TMEM67: variants seen among roughly 807,000 people sequenced by gnomAD.
TMEM67 encodes transmembrane protein 67.
Under a neutral mutation model 136.6 loss-of-function variants are expected in TMEM67, and 124 were observed. That is an observed-to-expected ratio of 0.91 (90% CI 0.78 to 1.05). The LOEUF (loss-of-function observed/expected upper bound fraction) is 1.05. Among genes scored for constraint, TMEM67 ranks in the 50% least tolerant of loss-of-function variants. The probability of loss-of-function intolerance (pLI) is 0.00; values close to 1 mark genes in which losing one functional copy is unlikely to be tolerated. For missense variants in TMEM67, 1,107 were observed against 1,178.4 expected, an observed-to-expected ratio of 0.94 and a Z score of 0.89; for synonymous variants, 364 against 390.5, an observed-to-expected ratio of 0.93 and a Z score of 0.80.
intron 7 of TMEM67, among the ~76,000 whole-genome samples, chr8:93,776,238 A>G (rs7819138): frequency 0.55 from 83,472 of 152,012 alleles, 23,696 homozygotes; most frequent in East Asian, 0.83. Context: ...TTATCAGCTT[A>G]AGGAGATTTG....
intron 7 of TMEM67, among the ~76,000 whole-genome samples, chr8:93,775,294 G>A (rs552946329): frequency 3.3e-5 from 5 of 152,116 alleles, no homozygotes; most frequent in Non-Finnish European, 7.4e-5. Context: ...TTCTCCCATT[G>A]TGTAGGTTGT....
chr8:93,801,436 T>A (rs545745165), intron 21 of TMEM67, among the ~76,000 whole-genome samples: 1 of 151,454 alleles, frequency 6.6e-6, no homozygotes, highest in South Asian at 2.1e-4. Context: ...AGTTTCACTC[T>A]TGTTGCCCAG....
chr8:93,803,809 G>A, intron 22 of TMEM67, 125 bp downstream of exon 22: 1 of 667,112 alleles, frequency 1.5e-6, no homozygotes, highest in South Asian at 1.5e-5. Flanking sequence ...TCCACTGGTT[G>A]TTAATTCCAG....
downstream of TMEM67, among the ~76,000 whole-genome samples, chr8:93,819,518 T>C (rs1370969031): frequency 1.3e-5 from 2 of 152,202 alleles, no homozygotes. Flanking sequence ...AAGGGTCTTA[T>C]AATTTGTAAG....
intron 3 of TMEM67, chr8:93,762,872 C>T: frequency 2.8e-6 from 1 of 362,180 alleles, no homozygotes; most frequent in South Asian, 2.1e-5. Flanking sequence ...TTCTAGCATA[C>T]TTTTTTCAGT....
chr8:93,758,619 A>T (rs1395921371), intron 3 of TMEM67, 43 bp downstream of exon 3: 1 of 1,478,874 alleles, frequency 6.8e-7, no homozygotes, highest in Admixed American at 1.7e-5. Context: ...ATAAATCTTC[A>T]TTCTTGTTTT....
At chr8:93,796,529 G>A (rs1313582488) in intron 18 of TMEM67, among the ~76,000 whole-genome samples, 1 of 152,156 alleles carries the variant, frequency 6.6e-6, no homozygotes, top group Non-Finnish European at 1.5e-5. Flanking sequence ...CTGACTGGGA[G>A]CTTCTTGAGG....
chr8:93,764,521 CA>C (rs1812995410), intron 4 of TMEM67, among the ~76,000 whole-genome samples: 2 of 152,104 alleles, frequency 1.3e-5, no homozygotes, highest in Non-Finnish European at 1.5e-5. Flanking sequence ...CACACACACA[CA>C]CACCCCTGCC....
chr8:93,755,725 T>A, intron 1 of TMEM67, 53 bp from the exon 2 acceptor site: 1 of 1,244,144 alleles, frequency 8.0e-7, no homozygotes, highest in East Asian at 2.5e-5. Context: ...GGGAACTTTA[T>A]TTTTATTTAT....
chr8:93,804,481 A>ATTTTT (rs59657661), intron 22 of TMEM67, among the ~76,000 whole-genome samples: 3 of 87,142 alleles, frequency 3.4e-5, no homozygotes, highest in East Asian at 3.2e-4. Context: ...ACACTCAGCT[A>ATTTTT]TTTTTTTTTT....
downstream of TMEM67, chr8:93,819,180 T>G (rs1227599840): frequency 2.2e-6 from 1 of 446,444 alleles, no homozygotes; most frequent in African/African-American, 2.0e-5. Context: ...GTTTAAAATA[T>G]CTGCCCCAAA....
At chr8:93,764,537 TATATACTTCCCTCTA>T (rs983667778) in intron 4 of TMEM67, among the ~76,000 whole-genome samples, 8 of 152,158 alleles carry the variant, frequency 5.3e-5, no homozygotes, top group African/African-American at 1.9e-4. Context: ...CCTGCCTGCC[TATATACTTCCCTCTA>T]ATTTAAGCAC....
intron 23 of TMEM67, among the ~76,000 whole-genome samples, chr8:93,807,887 A>G (rs73694966): frequency 0.014 from 2,175 of 152,040 alleles, 59 homozygotes; most frequent in African/African-American, 0.047. Flanking sequence ...TTTTTTTTAC[A>G]TATTTGTGGT....
intron 6 of TMEM67, among the ~76,000 whole-genome samples, chr8:93,770,253 T>A (rs536213737): frequency 2.0e-5 from 3 of 152,084 alleles, no homozygotes. Flanking sequence ...AACACAATGT[T>A]TTTTTCCCCC....
rs560458190 is a variant in TMEM67 at position 93,775,267 on chromosome 8, G to A, written c.714+2616G>A. 3.9e-5 allele frequency among the ~76,000 whole-genome samples: 6 copies of A among 152,160 alleles called. No homozygotes were observed. In the South Asian group the frequency reaches 1.2e-3, roughly 32 times the overall value. Reference sequence around the variant, plus strand: ...TCTGGATATTAGCCCTTTGTCAGATGGGTTATTGCAAAAAATTTCTCCCAT... The same window carrying A: ...TCTGGATATTAGCCCTTTGTCAGATAGGTTATTGCAAAAAATTTCTCCCAT... On this transcript the variant is annotated intron_variant, in intron 7 of 27. Transcript: ENST00000453321.
the TMEM67 span, among the ~76,000 whole-genome samples, chr8:93,829,923 C>A: frequency 6.6e-6 from 1 of 152,112 alleles, no homozygotes. Context: ...GGAATCTTCC[C>A]CTACTTTTCC....
intron 7 of TMEM67, among the ~76,000 whole-genome samples, chr8:93,775,349 T>C: frequency 6.6e-6 from 1 of 152,218 alleles, no homozygotes. Flanking sequence ...AGAAGCTCTT[T>C]AGTTTAATTA....
At chr8:93,763,784 G>A (rs974402426) in intron 3 of TMEM67, 58 bp from the exon 4 acceptor site, 10 of 1,146,292 alleles carry the variant, frequency 8.7e-6, no homozygotes, top group Non-Finnish European at 1.3e-5. Context: ...TTCTGAATAT[G>A]TAGAAGCTTA....
At chr8:93,823,583 G>A (rs558755319), downstream of TMEM67, among the ~76,000 whole-genome samples, 1 of 152,094 alleles carries the variant, frequency 6.6e-6, no homozygotes, top group Non-Finnish European at 1.5e-5. Flanking sequence ...AGCAGAAGCT[G>A]GCCAGGACTA....
Sources: gnomAD v4.1 joint callset for allele counts (sites outside exome capture counted in the v4.1 genomes callset) on GRCh38, gnomAD v4.1.1 for gene constraint, MANE v1.5 for transcripts, NCBI Gene and HGNC (gene_info 2026-07-23, HGNC 2026-07-21) for gene names.